RAB28: variants seen among roughly 807,000 people sequenced by gnomAD.
RAB28 encodes the protein ras-related protein Rab-28.
Under a neutral mutation model 31.7 loss-of-function variants are expected in RAB28, and 24 were observed. That is an observed-to-expected ratio of 0.76 (90% CI 0.55 to 1.06). The LOEUF (loss-of-function observed/expected upper bound fraction) is 1.06. Among genes scored for constraint, RAB28 ranks in the 50% least tolerant of loss-of-function variants. The pLI is 0.00. For missense variants in RAB28, 254 were observed against 258.5 expected, an observed-to-expected ratio of 0.98 and a Z score of 0.12; for synonymous variants, 100 against 90.4, an observed-to-expected ratio of 1.11 and a Z score of -0.60.
chr4:13,448,737 A>C (rs1441965099), intron 4 of RAB28, among the ~76,000 whole-genome samples: 1 of 152,090 alleles, frequency 6.6e-6, no homozygotes, highest in Non-Finnish European at 1.5e-5. Context: ...TGCTATCAAC[A>C]TGTCCTTAAA....
At chr4:13,475,434 CA>C (rs895052087) in intron 2 of RAB28, among the ~76,000 whole-genome samples, 2 of 150,996 alleles carry the variant, frequency 1.3e-5, no homozygotes, top group African/African-American at 4.9e-5. Flanking sequence ...GATCTCATTT[CA>C]AAAAAAGATT....
chr4:13,479,460 C>A lies in RAB28; in HGVS notation c.142G>T (p.Asp48Tyr), dbSNP rs1716511225. The A allele has an allele frequency of 6.8e-6, 11 of 1,607,504 alleles. No homozygotes were observed. Among genetic ancestry groups the A allele is most frequent in the Admixed American group, 1.7e-5 (1 of 59,730 alleles). Residue 48 changes from aspartate (D) to tyrosine (Y), a missense_variant, in exon 2 of 7, where the codon GAT becomes TAT. Coordinates refer to ENST00000330852, the MANE Select transcript of RAB28 (RefSeq NM_001017979.3). ...AATGTTATCCTTCTCAAAAAGAAAT[C>A]CAGTCCTATAGTTTGTTTGTACTGT... ...GKQYKQTIGL[D>Y]FFLRRITLPG...
intron 4 of RAB28, among the ~76,000 whole-genome samples, chr4:13,411,523 A>G (rs536040082): frequency 1.3e-5 from 2 of 152,308 alleles, no homozygotes; most frequent in South Asian, 4.1e-4. Context: ...GGTAAAAATC[A>G]AAAGTACAAG....
chr4:13,429,616 T>G (rs933465740), intron 4 of RAB28, among the ~76,000 whole-genome samples: 2 of 152,104 alleles, frequency 1.3e-5, no homozygotes, highest in African/African-American at 2.4e-5. Flanking sequence ...GAAAAAACAT[T>G]GAAAGAAATT....
intron 4 of RAB28, among the ~76,000 whole-genome samples, chr4:13,400,891 C>T (rs1711709306): frequency 6.6e-6 from 1 of 152,084 alleles, no homozygotes; most frequent in Admixed American, 6.6e-5. Context: ...AATATTACAC[C>T]AGCACTGCAT....
chr4:13,403,860 A>G (rs1200114914), intron 4 of RAB28, among the ~76,000 whole-genome samples: 1 of 152,250 alleles, frequency 6.6e-6, no homozygotes, highest in East Asian at 1.9e-4. Context: ...CAACATAGTT[A>G]TACATGTATA....
intron 4 of RAB28, among the ~76,000 whole-genome samples, chr4:13,437,822 C>A (rs28555370): frequency 6.6e-6 from 1 of 151,930 alleles, no homozygotes; most frequent in Non-Finnish European, 1.5e-5. Context: ...AAAACTACCA[C>A]TCAACCCAGC....
At chr4:13,424,869 C>T (rs991741418) in intron 4 of RAB28, among the ~76,000 whole-genome samples, 6 of 152,134 alleles carry the variant, frequency 3.9e-5, no homozygotes, top group Middle Eastern at 3.2e-3. Context: ...TCATTTCTAT[C>T]AGCATGCAAA....
chr4:13,478,260 GA>G (rs1211208712), intron 2 of RAB28, among the ~76,000 whole-genome samples: 1 of 151,514 alleles, frequency 6.6e-6, no homozygotes, highest in African/African-American at 2.4e-5. Flanking sequence ...AAATACAAAT[GA>G]AACAAAGTAC....
At chr4:13,466,959 T>G (rs537480806) in intron 3 of RAB28, among the ~76,000 whole-genome samples, 1 of 152,124 alleles carries the variant, frequency 6.6e-6, no homozygotes, top group South Asian at 2.1e-4. Context: ...TTCTCACTTA[T>G]GTGAAATCTG....
chr4:13,406,419 G>A (rs1478826943), intron 4 of RAB28, among the ~76,000 whole-genome samples: 1 of 152,148 alleles, frequency 6.6e-6, no homozygotes, highest in East Asian at 1.9e-4. Flanking sequence ...CATTTGGGAT[G>A]GTTCCAAGTC....
chr4:13,430,159 T>C (rs1713732836), intron 4 of RAB28, among the ~76,000 whole-genome samples: 1 of 152,056 alleles, frequency 6.6e-6, no homozygotes, highest in Non-Finnish European at 1.5e-5. Flanking sequence ...CCTGCTCACA[T>C]CATATTAAAA....
intron 3 of RAB28, among the ~76,000 whole-genome samples, chr4:13,464,816 G>GAA (rs1715765688): frequency 6.6e-6 from 1 of 152,050 alleles, no homozygotes; most frequent in Non-Finnish European, 1.5e-5. Context: ...TTTGAAGAAA[G>GAA]AAAGCAAGCA....
chr4:13,392,434 C>T (rs897027430), intron 4 of RAB28, among the ~76,000 whole-genome samples: 1 of 152,104 alleles, frequency 6.6e-6, no homozygotes, highest in African/African-American at 2.4e-5. Flanking sequence ...AAGAATTTGT[C>T]CCATACAAGA....
At chr4:13,413,079 C>T (rs141747044) in intron 4 of RAB28, among the ~76,000 whole-genome samples, 1 of 151,004 alleles carries the variant, frequency 6.6e-6, no homozygotes, top group East Asian at 1.9e-4. Flanking sequence ...CTGGTGTCCC[C>T]GAAAAAATAA....
intron 4 of RAB28, among the ~76,000 whole-genome samples, chr4:13,457,276 A>G (rs953724843): frequency 3.9e-5 from 6 of 152,152 alleles, no homozygotes; most frequent in Non-Finnish European, 7.4e-5. Flanking sequence ...ATATAATTAT[A>G]TCCCTCCCAA....
chr4:13,437,510 G>A (rs1185033160), intron 4 of RAB28, among the ~76,000 whole-genome samples: 1 of 150,852 alleles, frequency 6.6e-6, no homozygotes, highest in Non-Finnish European at 1.5e-5. Flanking sequence ...TTTAAGTCAA[G>A]GAAAAAAAAA....
At chr4:13,415,275 C>T (rs1712690343) in intron 4 of RAB28, among the ~76,000 whole-genome samples, 1 of 152,218 alleles carries the variant, frequency 6.6e-6, no homozygotes, top group South Asian at 2.1e-4. Flanking sequence ...ACTCTCGGGG[C>T]CTCTCTGCCT....
intron 1 of RAB28, among the ~76,000 whole-genome samples, chr4:13,481,054 T>C (rs145951057): frequency 2.6e-4 from 40 of 152,144 alleles, no homozygotes; most frequent in Non-Finnish European, 4.9e-4. Flanking sequence ...ACTGAAGGCA[T>C]GTGTAACATT....
Sources: gnomAD v4.1 joint callset for allele counts (sites outside exome capture counted in the v4.1 genomes callset) on GRCh38, gnomAD v4.1.1 for gene constraint, MANE v1.5 for transcripts, NCBI Gene and HGNC (gene_info 2026-07-23, HGNC 2026-07-21) for gene names.